LRMDA: variants seen among roughly 807,000 people sequenced by gnomAD.
LRMDA encodes the protein leucine-rich melanocyte differentiation-associated protein.
In LRMDA, 18 loss-of-function variants were observed where a neutral mutation model predicts 29.8. That is an observed-to-expected ratio of 0.60 (90% CI 0.42 to 0.90). The LOEUF (loss-of-function observed/expected upper bound fraction) is 0.90, where lower values mean the gene tolerates loss of function less well. Ranked by LOEUF, LRMDA falls within the 40% of genes least tolerant of loss-of-function variation. LRMDA has a pLI of 0.00. For synonymous variants in LRMDA, 125 were observed against 109.4 expected (o/e 1.14, Z -0.89); for missense variants, 273 against 273.9 (o/e 1.00, Z 0.02).
chr10:76,549,251 G>A (rs895176986), intron 6 of LRMDA, among the ~76,000 whole-genome samples: 1 of 152,086 alleles, frequency 6.6e-6, no homozygotes, highest in Non-Finnish European at 1.5e-5. Context: ...TGGGAGGCTA[G>A]CCCCACAGCC....
chr10:76,467,974 C>A (rs1295248950), intron 6 of LRMDA, among the ~76,000 whole-genome samples: 1 of 152,188 alleles, frequency 6.6e-6, no homozygotes, highest in Non-Finnish European at 1.5e-5. Flanking sequence ...AGAGCGTTTA[C>A]ATAATCTTTC....
At chr10:76,148,067 C>T (rs973991683) in intron 5 of LRMDA, among the ~76,000 whole-genome samples, 9 of 152,124 alleles carry the variant, frequency 5.9e-5, no homozygotes, top group Non-Finnish European at 8.8e-5. Context: ...GAGGAGTACC[C>T]GGCCGTGTGA....
At chr10:76,257,395 A>G (rs1207174169) in intron 5 of LRMDA, among the ~76,000 whole-genome samples, 1 of 149,046 alleles carries the variant, frequency 6.7e-6, no homozygotes, top group African/African-American at 2.5e-5. Context: ...GTGCAATGGC[A>G]TGATCTCAGC....
Position 76,321,274 on chromosome 10 carries a change from C to T in LRMDA, c.517-3127C>T, listed in dbSNP as rs896951747. Among the ~76,000 whole-genome samples, 12 of 152,282 alleles carry T rather than the reference C, an allele frequency of 7.9e-5. No individual in the cohort carries two copies. The East Asian group carries it at 1.9e-3, about 24-fold the overall frequency. On this transcript the variant is annotated intron_variant, in intron 5 of 6. Transcript: ENST00000611255. ...TAAGTTACTCTTTAAAGTAGTTGAA[C>T]GAATGTACATTCCCACCAGCAAGGA... is the stretch of plus-strand genomic sequence containing the variant.
chr10:76,110,497 T>C (rs1849559295), intron 5 of LRMDA, among the ~76,000 whole-genome samples: 1 of 152,204 alleles, frequency 6.6e-6, no homozygotes, highest in Non-Finnish European at 1.5e-5. Context: ...GTCTTGCTTT[T>C]AGGGTGACAG....
Position 75,856,399 on chromosome 10 carries a change from A to G in LRMDA, c.132-179609A>G, listed in dbSNP as rs1260970596. ...AACAAAAAAAGAGAATTTTAGACCA[A>G]TATCCCTGATGAACATTGATGCAAA... On this transcript the variant is annotated intron_variant, in intron 2 of 6. Transcript: ENST00000611255. Among the ~76,000 whole-genome samples the G allele has an allele frequency of 5.3e-5, 8 of 152,320 alleles. No individual in the cohort carries two copies. In the East Asian group the frequency reaches 1.5e-3, roughly 29 times the overall value.
intron 6 of LRMDA, among the ~76,000 whole-genome samples, chr10:76,482,686 T>A (rs1018192474): frequency 4.6e-5 from 7 of 152,090 alleles, no homozygotes; most frequent in African/African-American, 1.7e-4. Context: ...TATTTATATA[T>A]CCCTGCTGAG....
chr10:75,449,151 C>CAAAAA (rs779723533), intron 2 of LRMDA, among the ~76,000 whole-genome samples: 15 of 50,272 alleles, frequency 3.0e-4, no homozygotes, highest in Non-Finnish European at 6.5e-4. Flanking sequence ...GACTCCATCT[C>CAAAAA]AAAAAAAAAA....
At chr10:75,672,523 TTCCTCCCCTCCCCTCCCCTCCCCTC>T (rs1841905199) in intron 2 of LRMDA, among the ~76,000 whole-genome samples, 2 of 20,498 alleles carry the variant, frequency 9.8e-5, no homozygotes, top group African/African-American at 4.7e-4. Context: ...TTCTTTTCTT[TTCCTCCCCTCCCCTCCCCTCCCCTC>T]CCCTCCCCTC....
intron 5 of LRMDA, among the ~76,000 whole-genome samples, chr10:76,239,509 T>TGAACA (rs1852229302): frequency 1.3e-5 from 2 of 152,308 alleles, no homozygotes; most frequent in East Asian, 3.9e-4. Context: ...CTGTATCCCT[T>TGAACA]TGATCTTTTT....
chr10:75,539,644 C>T (rs1360310117), intron 2 of LRMDA, among the ~76,000 whole-genome samples: 1 of 152,156 alleles, frequency 6.6e-6, no homozygotes, highest in East Asian at 1.9e-4. Context: ...ATGGTTTTCT[C>T]TTGCATGGTG....
At chr10:75,653,597 G>T (rs978465092) in intron 2 of LRMDA, among the ~76,000 whole-genome samples, 1 of 152,208 alleles carries the variant, frequency 6.6e-6, no homozygotes, top group Non-Finnish European at 1.5e-5. Flanking sequence ...GGACAGTCTT[G>T]GGAGAGTGCC....
At chr10:76,519,017 C>G (rs1027514515) in intron 6 of LRMDA, among the ~76,000 whole-genome samples, 2 of 151,704 alleles carry the variant, frequency 1.3e-5, no homozygotes, top group African/African-American at 4.8e-5. Flanking sequence ...CTAGAAAAAC[C>G]CCATCTGTTG....
At chr10:75,922,090 G>C (rs1346026014) in intron 2 of LRMDA, among the ~76,000 whole-genome samples, 1 of 152,182 alleles carries the variant, frequency 6.6e-6, no homozygotes, top group African/African-American at 2.4e-5. Flanking sequence ...GTTGATATCT[G>C]TTTCCTGCCC....
At chr10:76,053,084 T>C (rs903769522) in intron 4 of LRMDA, among the ~76,000 whole-genome samples, 3 of 152,160 alleles carry the variant, frequency 2.0e-5, no homozygotes, top group Non-Finnish European at 4.4e-5. Context: ...TTAGTAGCTG[T>C]CTCTTCCTTC....
At chr10:75,456,074 C>G (rs1844512085) in intron 2 of LRMDA, among the ~76,000 whole-genome samples, 1 of 152,222 alleles carries the variant, frequency 6.6e-6, no homozygotes, top group Non-Finnish European at 1.5e-5. Flanking sequence ...ATGCCAGAGT[C>G]TTTCAGAGAG....
intron 2 of LRMDA, among the ~76,000 whole-genome samples, chr10:75,909,551 G>T (rs1845812046): frequency 1.3e-5 from 2 of 152,064 alleles, no homozygotes; most frequent in African/African-American, 4.8e-5. Flanking sequence ...GTACATGGTA[G>T]CTCTGTTTTA....
At chr10:75,477,784 C>T (rs995415844) in intron 2 of LRMDA, among the ~76,000 whole-genome samples, 6 of 152,222 alleles carry the variant, frequency 3.9e-5, no homozygotes, top group African/African-American at 1.4e-4. Context: ...CCATGTGTGG[C>T]CATCTGTATA....
intron 2 of LRMDA, among the ~76,000 whole-genome samples, chr10:75,980,117 C>G (rs973812349): frequency 6.6e-6 from 1 of 152,176 alleles, no homozygotes. Flanking sequence ...TCAACATGGA[C>G]TTGAGGTCTT....
Sources: allele counts gnomAD v4.1 joint callset (sites outside exome capture counted in the v4.1 genomes callset), GRCh38; gene constraint gnomAD v4.1.1; transcripts MANE v1.5; gene names NCBI Gene and HGNC (gene_info 2026-07-23, HGNC 2026-07-21).